The following QRICH1 variants were observed in gnomAD, a reference collection of about 807,000 sequenced individuals.
QRICH1 encodes glutamine rich 1.
Under a neutral mutation model 87.1 loss-of-function variants are expected in QRICH1, and 16 were observed. That is an observed-to-expected ratio of 0.18 (90% CI 0.12 to 0.28). QRICH1 has a LOEUF of 0.28. QRICH1 is among the 10% of genes least tolerant of loss of function. The probability of loss-of-function intolerance (pLI) is 1.00; values close to 1 mark genes in which losing one functional copy is unlikely to be tolerated. For missense variants in QRICH1, 647 were observed against 951.7 expected, an observed-to-expected ratio of 0.68 and a Z score of 4.21; for synonymous variants, 367 against 368.4, an observed-to-expected ratio of 1.00 and a Z score of 0.05.
intron 1 of QRICH1, among the ~76,000 whole-genome samples, chr3:49,091,294 A>G (rs1575391221): frequency 6.6e-6 from 1 of 152,216 alleles, no homozygotes; most frequent in Admixed American, 6.5e-5. Context: ...GCTAATTCAG[A>G]AATCAGAGAC....
intron 1 of QRICH1, among the ~76,000 whole-genome samples, chr3:49,091,153 G>A (rs2042268556): frequency 6.6e-6 from 1 of 152,174 alleles, no homozygotes; most frequent in Non-Finnish European, 1.5e-5. Context: ...AACCCAGGAG[G>A]CAGAGGTTGC....
chr3:49,051,584 GCC>G (rs11420410), intron 3 of QRICH1, among the ~76,000 whole-genome samples: 2,645 of 57,028 alleles, frequency 0.046, 98 homozygotes, highest in African/African-American at 0.098. Context: ...CCCCCCCTGC[GCC>G]CCCCCCCCCC....
At chr3:49,032,481 T>G (rs2106811091) in intron 8 of QRICH1, 141 bp downstream of exon 8, 1 of 1,190,324 alleles carries the variant, frequency 8.4e-7, no homozygotes, top group Non-Finnish European at 1.2e-6. Flanking sequence ...AGTTTGGAAT[T>G]TTTGGCTGGG....
At chr3:49,058,288 T>C (rs2093415015) in intron 2 of QRICH1, among the ~76,000 whole-genome samples, 1 of 151,476 alleles carries the variant, frequency 6.6e-6, no homozygotes, top group African/African-American at 2.4e-5. Context: ...GTAGCTGGGA[T>C]TACAGACATG....
At chr3:49,049,966 G>C (rs1479687475) in intron 3 of QRICH1, among the ~76,000 whole-genome samples, 1 of 151,536 alleles carries the variant, frequency 6.6e-6, no homozygotes, top group African/African-American at 2.4e-5. Flanking sequence ...TCTGGAGGCC[G>C]AGGCAGGCAG....
chr3:49,070,649 G>T (rs1311612022), intron 2 of QRICH1, among the ~76,000 whole-genome samples: 1 of 152,028 alleles, frequency 6.6e-6, no homozygotes, highest in Non-Finnish European at 1.5e-5. Flanking sequence ...TTCCCAGCCT[G>T]GTCTCAAACT....
chr3:49,057,425 C>T lies in QRICH1; in HGVS notation c.775G>A (p.Ala259Thr), dbSNP rs1392471988. The T allele has an allele frequency of 3.1e-6, 5 of 1,613,996 alleles. No homozygotes were observed. The highest frequency in any genetic ancestry group is 3.4e-6 in the Non-Finnish European group (4 of 1,180,046). The change falls in exon 3 of 10, where the codon GCC becomes ACC. Residue 259 changes from alanine to threonine, a missense_variant. By Grantham distance (58) the Ala-to-Thr change is moderately conservative. Transcript: ENST00000395443. The surrounding 1 kb of genome is among the most constrained non-coding windows in gnomAD (Gnocchi z 5.4). ...GTGGCCACCGGCTGCCCTGAGATGG[C>T]GTAGGACACAGTGATGGGCATGTCC... ...KVDMPITVSY[A>T]ISGQPVATVL...
intron 2 of QRICH1, among the ~76,000 whole-genome samples, chr3:49,069,326 A>C (rs1189511780): frequency 6.8e-6 from 1 of 147,610 alleles, no homozygotes; most frequent in Admixed American, 6.8e-5. Flanking sequence ...CTGATCTTGA[A>C]CTCCTGACCT....
intron 2 of QRICH1, among the ~76,000 whole-genome samples, chr3:49,060,700 G>A (rs1028174133): frequency 2.6e-5 from 4 of 152,166 alleles, no homozygotes; most frequent in African/African-American, 7.2e-5. Flanking sequence ...GTAGGCGAAC[G>A]ACACAGCACA....
chr3:49,076,766 A>T lies in QRICH1; in HGVS notation c.252T>A (p.Val84=). The T allele has an allele frequency of 6.2e-7, 1 of 1,608,718 alleles. No homozygotes were observed. The highest frequency in any genetic ancestry group is 8.5e-7 in the Non-Finnish European group (1 of 1,176,584). ...LELACPVTTS[V]QPQTQQEQQI... is the part of the protein sequence containing the mutation. ...GCTGTTCTTGCTGGGTTTGTGGCTG[A>T]ACACTGGTGGTGACTGGACAGGCAA... Residue 84 remains valine, a synonymous_variant, in exon 2 of 10, where the codon GTT becomes GTA. Transcript: ENST00000395443.
At chr3:49,042,850 G>A (rs1010647075) in intron 6 of QRICH1, among the ~76,000 whole-genome samples, 6 of 152,148 alleles carry the variant, frequency 3.9e-5, no homozygotes, top group African/African-American at 1.4e-4. Flanking sequence ...TGGGATTACA[G>A]GTGTGAGCCA....
In QRICH1 at chr3:49,057,864, C is replaced by T. The variant is rs145975766; in HGVS notation, c.336G>A (p.Pro112=). The change falls in exon 3 of 10, where the codon CCG becomes CCA. Residue 112 remains proline, a synonymous_variant. Coordinates refer to ENST00000395443, the MANE Select transcript of QRICH1 (RefSeq NM_198880.3). This position sits in a 1 kb window ranked among gnomAD's most constrained non-coding sequence, Gnocchi z 5.4. ...VQVQVQVQQS[P]QQVSAQLSPQ... ...GGGAGAGCTGAGCCGAGACCTGTTG[C>T]GGAGACTGCTGTACCTGCACCTGGA... 1.5e-5 allele frequency: 24 copies of T among 1,613,814 alleles called. No individual in the cohort carries two copies. In the African/African-American group the frequency reaches 1.6e-4, roughly 11 times the overall value.
At chr3:49,030,813 A>AC (rs2093232589) in intron 9 of QRICH1, among the ~76,000 whole-genome samples, 169 bp from the exon 10 acceptor site, 1 of 151,900 alleles carries the variant, frequency 6.6e-6, no homozygotes, top group Non-Finnish European at 1.5e-5. Context: ...CTCCTTTGGG[A>AC]CTACTGCAAA....
intron 1 of QRICH1, among the ~76,000 whole-genome samples, chr3:49,078,113 G>A (rs1050320097): frequency 6.6e-6 from 1 of 152,096 alleles, no homozygotes; most frequent in African/African-American, 2.4e-5. Context: ...GAACGTTTTT[G>A]CCAAAAAGGA....
chr3:49,048,481 A>G (rs961151860), intron 3 of QRICH1, among the ~76,000 whole-genome samples: 1 of 150,494 alleles, frequency 6.6e-6, no homozygotes, highest in African/African-American at 2.4e-5. Context: ...TTGCTTTAAA[A>G]AAAAAAAAAA....
chr3:49,051,729 C>T (rs868261535), intron 3 of QRICH1, among the ~76,000 whole-genome samples: 4 of 152,130 alleles, frequency 2.6e-5, no homozygotes, highest in South Asian at 2.1e-4. Context: ...CTCTCTCCTT[C>T]GTTCAATGGC....
At chr3:49,033,053 G>T (rs1476573045) in intron 7 of QRICH1, 67 bp downstream of exon 7, 2 of 1,207,116 alleles carry the variant, frequency 1.7e-6, no homozygotes, top group Non-Finnish European at 2.3e-6. Context: ...AATTCAGAAG[G>T]CCTCTTGGAT....
At chr3:49,064,336 G>T (rs1258961553) in intron 2 of QRICH1, among the ~76,000 whole-genome samples, 1 of 150,618 alleles carries the variant, frequency 6.6e-6, no homozygotes, top group Non-Finnish European at 1.5e-5. Flanking sequence ...GTCTTCCCGG[G>T]TTCAAGCGAT....
intron 1 of QRICH1, among the ~76,000 whole-genome samples, chr3:49,089,046 CTATTT>C (rs1015361051): frequency 6.6e-6 from 1 of 151,608 alleles, no homozygotes; most frequent in Non-Finnish European, 1.5e-5. Context: ...CATCACGGTT[CTATTT>C]TCTTTTTTTC....
Sources: gnomAD v4.1 joint callset for allele counts (sites outside exome capture counted in the v4.1 genomes callset) on GRCh38, gnomAD v4.1.1 for gene constraint, Gnocchi (gnomAD v3.1) non-coding constraint, MANE v1.5 for transcripts, NCBI Gene and HGNC (gene_info 2026-07-23, HGNC 2026-07-21) for gene names.